The following TENM2 variants were observed in gnomAD, a reference collection of about 807,000 sequenced individuals.
The protein encoded by TENM2 is teneurin transmembrane protein 2, also known as teneurin-2.
TENM2 carries 52 observed loss-of-function variants against 245.2 expected under a neutral mutation model. The ratio of observed to expected loss-of-function variants is 0.21; its 90% CI spans 0.17 to 0.27. The LOEUF (loss-of-function observed/expected upper bound fraction) is 0.27, where lower values mean the gene tolerates loss of function less well. Among genes scored for constraint, TENM2 ranks in the 10% least tolerant of loss-of-function variants. The pLI, the probability that TENM2 is intolerant of heterozygous loss-of-function variation, is 1.00. For synonymous variants in TENM2, 1,363 were observed against 1,438.9 expected (o/e 0.95, Z 1.19); for missense variants, 3,046 against 3,666.8 (o/e 0.83, Z 4.37).
At chr5:166,987,781 A>G in the TENM2 span, among the ~76,000 whole-genome samples, 1 of 152,174 alleles carries the variant, frequency 6.6e-6, no homozygotes, top group Non-Finnish European at 1.5e-5. Context: ...TTCATGAGCA[A>G]TGAATCAATT....
the TENM2 span, among the ~76,000 whole-genome samples, chr5:167,052,930 T>A: frequency 6.6e-6 from 1 of 152,170 alleles, no homozygotes; most frequent in Non-Finnish European, 1.5e-5. Context: ...TATTCAATGC[T>A]TTCTTCCCAG....
At chr5:167,271,816 A>T in the TENM2 span, among the ~76,000 whole-genome samples, 1 of 152,168 alleles carries the variant, frequency 6.6e-6, no homozygotes, top group African/African-American at 2.4e-5. Context: ...TGCTCTGGAC[A>T]TTAACCAGAG....
At chr5:167,223,597 G>A in the TENM2 span, among the ~76,000 whole-genome samples, 1 of 151,918 alleles carries the variant, frequency 6.6e-6, no homozygotes, top group Admixed American at 6.6e-5. Flanking sequence ...ATCCACTTAT[G>A]GATACTCACT....
intron 5 of TENM2, among the ~76,000 whole-genome samples, chr5:168,041,622 T>C (rs59662117): frequency 0.016 from 2,369 of 152,324 alleles, 61 homozygotes; most frequent in African/African-American, 0.053. Context: ...CGAGTGCCTC[T>C]GAACCCTAAA....
At chr5:166,994,276 T>C in the TENM2 span, among the ~76,000 whole-genome samples, 1 of 152,222 alleles carries the variant, frequency 6.6e-6, no homozygotes, top group African/African-American at 2.4e-5. Flanking sequence ...CCGAGTTTCC[T>C]TCAAATTCCC....
chr5:168,053,368 C>T (rs1789272484), intron 6 of TENM2, among the ~76,000 whole-genome samples: 1 of 152,112 alleles, frequency 6.6e-6, no homozygotes, highest in Non-Finnish European at 1.5e-5. Flanking sequence ...TAATGAGATC[C>T]AATTTCCCTT....
chr5:167,980,119 T>G (rs559240541), intron 4 of TENM2, among the ~76,000 whole-genome samples: 1 of 152,228 alleles, frequency 6.6e-6, no homozygotes, highest in African/African-American at 2.4e-5. Context: ...AGGAAGAAGA[T>G]GAAATCCTGG....
At chr5:167,154,418 G>C in the TENM2 span, among the ~76,000 whole-genome samples, 1 of 152,010 alleles carries the variant, frequency 6.6e-6, no homozygotes, top group Non-Finnish European at 1.5e-5. Flanking sequence ...CATGAATCTG[G>C]GCATGTGAAT....
At chr5:167,873,987 G>T (rs1456674199) in intron 2 of TENM2, among the ~76,000 whole-genome samples, 1 of 151,982 alleles carries the variant, frequency 6.6e-6, no homozygotes, top group African/African-American at 2.4e-5. Flanking sequence ...ATCCTCAAAG[G>T]GTAATGGGCC....
chr5:168,190,383 C>T (rs1760844038), exon 14 of TENM2: 1 of 1,613,874 alleles, frequency 6.2e-7, no homozygotes, highest in African/African-American at 1.3e-5. Flanking sequence ...TGCAGTCAGC[C>T]TGTCAGAACA....
intron 2 of TENM2, among the ~76,000 whole-genome samples, chr5:167,552,946 T>TGAAG (rs1773051808): frequency 6.6e-6 from 1 of 152,010 alleles, no homozygotes; most frequent in Non-Finnish European, 1.5e-5. Flanking sequence ...AATGAATGAA[T>TGAAG]GAATAAGTGA....
downstream of TENM2, chr5:168,263,913 G>A (rs1487930125): frequency 5.3e-5 from 8 of 151,864 alleles, no homozygotes; most frequent in Non-Finnish European, 1.2e-4. Context: ...TCACCACGAG[G>A]AGAGAAAATT....
At chr5:167,500,437 C>T (rs144037991) in intron 2 of TENM2, among the ~76,000 whole-genome samples, 1 of 151,996 alleles carries the variant, frequency 6.6e-6, no homozygotes, top group East Asian at 1.9e-4. Flanking sequence ...ACATAATCTG[C>T]AGTGTAGCTA....
chr5:167,359,873 C>T (rs1333702888), intron 1 of TENM2, among the ~76,000 whole-genome samples: 1 of 152,182 alleles, frequency 6.6e-6, no homozygotes, highest in Non-Finnish European at 1.5e-5. Flanking sequence ...TTTGCAGGAT[C>T]ATGGATAGAG....
chr5:167,864,137 C>G (rs1256618498), intron 2 of TENM2, among the ~76,000 whole-genome samples: 2 of 152,084 alleles, frequency 1.3e-5, no homozygotes, highest in African/African-American at 2.4e-5. Context: ...AGAGATAAAA[C>G]AGTTTGAGCA....
chr5:166,995,908 G>A, the TENM2 span, among the ~76,000 whole-genome samples: 6 of 151,118 alleles, frequency 4.0e-5, no homozygotes, highest in Non-Finnish European at 7.4e-5. Flanking sequence ...AAAAATACGT[G>A]TTGAGGGAAT....
chr5:167,386,213 G>A (rs1173312123), intron 2 of TENM2, among the ~76,000 whole-genome samples: 2 of 151,922 alleles, frequency 1.3e-5, no homozygotes, highest in African/African-American at 2.4e-5. Flanking sequence ...CCATTCTTGC[G>A]GCAGTAAAGT....
the TENM2 span, among the ~76,000 whole-genome samples, chr5:167,014,140 C>CTTTTTTT: frequency 1.6e-5 from 2 of 128,670 alleles, 1 homozygote; most frequent in Non-Finnish European, 3.2e-5. Flanking sequence ...AAAACCAATT[C>CTTTTTTT]TTTTTTTTTT....
chr5:167,990,173 G>A (rs1284839803), intron 4 of TENM2, among the ~76,000 whole-genome samples: 1 of 152,164 alleles, frequency 6.6e-6, no homozygotes, highest in Non-Finnish European at 1.5e-5. Context: ...CAAATTCCGA[G>A]GTTTCTCTGT....
Sources: gnomAD v4.1 joint callset for allele counts (sites outside exome capture counted in the v4.1 genomes callset) on GRCh38, gnomAD v4.1.1 for gene constraint, MANE v1.5 for transcripts, NCBI Gene and HGNC (gene_info 2026-07-23, HGNC 2026-07-21) for gene names.